Variants in MRPS11 observed in about 807,000 individuals in gnomAD.
The protein encoded by MRPS11 is mitochondrial ribosomal protein S11.
In MRPS11, 27 loss-of-function variants were observed where a neutral mutation model predicts 24.3. The observed-to-expected ratio is 1.11, with a 90% CI of 0.82 to 1.53. The LOEUF is 1.53. Among genes scored for constraint, MRPS11 ranks in the 40% most tolerant of loss-of-function variants. The pLI, the probability that MRPS11 is intolerant of heterozygous loss-of-function variation, is 0.00. For synonymous variants in MRPS11, 104 were observed against 98.7 expected (o/e 1.05, Z -0.32); for missense variants, 277 against 256.5 (o/e 1.08, Z -0.55).
Position 88,475,686 on chromosome 15 carries a change from T to C in MRPS11, c.411+447T>C, listed in dbSNP as rs1474779737. 6.6e-6 allele frequency among the ~76,000 whole-genome samples: 1 copy of C among 152,136 alleles called. No individual in the cohort carries two copies. The highest frequency in any genetic ancestry group is 6.5e-5 in the Admixed American group (1 of 15,282). ...CCCTGTCTCCAAAATAAATTAAAAA[T>C]AGGCCAGGCGCGATGGCTCACAGTT... is the stretch of plus-strand genomic sequence containing the variant. On this transcript the variant is annotated intron_variant, in intron 4 of 5. Coordinates refer to ENST00000325844, the MANE Select transcript of MRPS11 (RefSeq NM_022839.5). The surrounding 1 kb of genome is among the most constrained non-coding windows in gnomAD (Gnocchi z 4.1).
rs1451291233 is a variant in MRPS11 at position 88,480,316 on chromosome 15, G to A, written c.*2337G>A. The A allele has an allele frequency of 6.6e-6, 1 of 152,250 alleles. No homozygotes were observed. The allele number at this position is 152,250 out of a possible 1,614,324, so 9.4% of individuals were successfully genotyped here. ...TGCAGCCTCAAACTCCTGGGCTCAA[G>A]TGATCCTCCAGCTTCAGCCTCCTGT... is the stretch of plus-strand genomic sequence containing the variant. On this transcript the variant is annotated 3_prime_UTR_variant, in exon 6 of 6. Transcript: ENST00000325844. The surrounding 1 kb of genome is among the most constrained non-coding windows in gnomAD (Gnocchi z 5.1).
In MRPS11 at chr15:88,478,248, A is replaced by G. The variant is rs2055864298; in HGVS notation, c.*269A>G. ...CAAACTCTGCTCTGAGAAAATAAAT[A>G]TCTGTACCACCTGTCATAATTTTGA... On this transcript the variant is annotated 3_prime_UTR_variant, in exon 6 of 6. Coordinates refer to ENST00000325844, the MANE Select transcript of MRPS11 (RefSeq NM_022839.5). This position sits in a 1 kb window ranked among gnomAD's most constrained non-coding sequence, Gnocchi z 4.7. The G allele has an allele frequency of 2.1e-6, 1 of 468,832 alleles. No individual in the cohort carries two copies. The highest frequency in any genetic ancestry group is 1.9e-5 in the African/African-American group (1 of 51,646). 29.0% of individuals were successfully genotyped at this position (468,832 alleles called of 1,614,324 possible).
Position 88,469,523 on chromosome 15 carries a change from G to T in MRPS11, c.182+1499G>T, listed in dbSNP as rs1236491534. ...GGGGAAGTGGGGGTCAAGCAGGCCT[G>T]CATAGCCACATTCTGTAGGACTTTG... On this transcript the variant is annotated intron_variant, in intron 2 of 5. Transcript: ENST00000325844. The surrounding 1 kb of genome is among the most constrained non-coding windows in gnomAD (Gnocchi z 4.4). Among the ~76,000 whole-genome samples, 1 of 152,192 alleles carries T rather than the reference G, an allele frequency of 6.6e-6. No homozygotes were observed. Among genetic ancestry groups the T allele is most frequent in the African/African-American group, 2.4e-5 (1 of 41,440 alleles).
intron 1 of MRPS11, 50 bp downstream of exon 1, chr15:88,467,832 TCCTACTCGTGTC>T (rs2055578302): frequency 1.2e-6 from 2 of 1,613,212 alleles, no homozygotes; most frequent in Non-Finnish European, 8.5e-7. Context: ...AGGACTATGC[TCCTACTCGTGTC>T]CCTTGAGCCA....
At position 88,475,143 on chromosome 15, in the gene MRPS11, G is replaced by A. The variant is rs184213973; in HGVS notation, c.315G>A (p.Glu105=). ...TCCAGGTAGTCTCTGCTAGTAATGA[G>A]CCCCTTGCCTTTGCTTCCTGTGGCA... is the stretch of plus-strand genomic sequence containing the variant. The part of the protein sequence containing the change: ...TQIQVVSASN[E]PLAFASCGTE... The change falls in exon 4 of 6, where the codon GAG becomes GAA. Residue 105 remains glutamate, a synonymous_variant. Transcript: ENST00000325844. This position sits in a 1 kb window ranked among gnomAD's most constrained non-coding sequence, Gnocchi z 4.1. 1 of 1,614,196 alleles carries A rather than the reference G, an allele frequency of 6.2e-7. No individual in the cohort carries two copies. The highest frequency in any genetic ancestry group is 2.2e-5 in the East Asian group (1 of 44,886).
Position 88,475,031 on chromosome 15 carries a change from C to T in MRPS11, c.282-79C>T. 1.3e-6 allele frequency: 2 copies of T among 1,535,340 alleles called. No homozygotes were observed. Among genetic ancestry groups the T allele is most frequent in the Admixed American group, 1.9e-5 (1 of 51,936 alleles). On this transcript the variant is annotated intron_variant, in intron 3 of 5. Coordinates refer to ENST00000325844, the MANE Select transcript of MRPS11 (RefSeq NM_022839.5). The surrounding 1 kb of genome is among the most constrained non-coding windows in gnomAD (Gnocchi z 4.1). The stretch of plus-strand genomic sequence containing the variant: ...AATTCCTTTTTCTTTCTCACCCAGG[C>T]TTCTAGGGGCATAGATTAGCTCTCT...
At position 88,478,231 on chromosome 15, in the gene MRPS11, G is replaced by A; in HGVS notation, c.*252G>A. On this transcript the variant is annotated 3_prime_UTR_variant, in exon 6 of 6. Transcript: ENST00000325844. The surrounding 1 kb of genome is among the most constrained non-coding windows in gnomAD (Gnocchi z 4.7). ...CAGCCGTGGCCTAGGCCCAAACTCT[G>A]CTCTGAGAAAATAAATATCTGTACC... The A allele has an allele frequency of 2.0e-6, 1 of 512,774 alleles. No individual in the cohort carries two copies. Among genetic ancestry groups the A allele is most frequent in the Non-Finnish European group, 3.5e-6 (1 of 287,644 alleles). 31.8% of individuals were successfully genotyped at this position (512,774 alleles called of 1,614,324 possible). A position where few individuals can be genotyped will look rare whatever the true frequency, so the allele number is the denominator to read the frequency against.
At position 88,475,157 on chromosome 15, in the gene MRPS11, C is replaced by T; in HGVS notation, c.329C>T (p.Ala110Val). 6.2e-7 allele frequency: 1 copy of T among 1,614,248 alleles called. No individual in the cohort carries two copies. The highest frequency in any genetic ancestry group is 8.5e-7 in the Non-Finnish European group (1 of 1,180,056). The change falls in exon 4 of 6, where the codon GCT (alanine) becomes GTT (valine). Residue 110 changes from alanine (A) to valine (V), a missense_variant. Coordinates refer to ENST00000325844, the MANE Select transcript of MRPS11 (RefSeq NM_022839.5). The surrounding 1 kb of genome is among the most constrained non-coding windows in gnomAD (Gnocchi z 4.1). ...GCTAGTAATGAGCCCCTTGCCTTTG[C>T]TTCCTGTGGCACAGAGGGATTTCGG... ...VSASNEPLAF[A>V]SCGTEGFRNA...
rs1435606132 is a variant in MRPS11 at position 88,478,385 on chromosome 15, A to G, written c.*406A>G. The G allele has an allele frequency of 5.8e-6, 1 of 173,486 alleles. No homozygotes were observed. Among genetic ancestry groups the G allele is most frequent in the East Asian group, 1.7e-4 (1 of 5,894 alleles). 10.7% of individuals were successfully genotyped at this position (173,486 alleles called of 1,614,324 possible). On this transcript the variant is annotated 3_prime_UTR_variant, in exon 6 of 6. Transcript: ENST00000325844. This position sits in a 1 kb window ranked among gnomAD's most constrained non-coding sequence, Gnocchi z 4.7. ...ATATAAATGTGAGTTGCTATTTACC[A>G]GACACTTCTGGTTTCAGATATTTCT...
rs1427846371 is a variant in MRPS11, at chr15:88,477,786, C to G, written c.478-86C>G. The stretch of plus-strand genomic sequence containing the variant: ...CCCTCCGTTCCCTTCTCTACGCCAC[C>G]CTGTCCCTCTCCGAACCCTGCCTGG... On this transcript the variant is annotated intron_variant, in intron 5 of 5. Transcript: ENST00000325844. The surrounding 1 kb of genome is among the most constrained non-coding windows in gnomAD (Gnocchi z 5.7). 6.0e-6 allele frequency: 7 copies of G among 1,174,578 alleles called. No individual in the cohort carries two copies. The African/African-American group carries it at 6.1e-5, about 10-fold the overall frequency. 72.8% of individuals were successfully genotyped at this position (1,174,578 alleles called of 1,614,324 possible).
At chr15:88,468,617 C>A in intron 2 of MRPS11, 3 of 620,570 alleles carry the variant, frequency 4.8e-6, no homozygotes, top group Non-Finnish European at 6.0e-6. Flanking sequence ...ACAAGTAGTT[C>A]ACAGTCTTTG....
rs542901518 is a variant in MRPS11 at position 88,477,667 on chromosome 15, A to G, written c.478-205A>G. 6.6e-6 allele frequency among the ~76,000 whole-genome samples: 1 copy of G among 152,308 alleles called. No individual in the cohort carries two copies. Among genetic ancestry groups the G allele is most frequent in the Non-Finnish European group, 1.5e-5 (1 of 68,022 alleles). On this transcript the variant is annotated intron_variant, in intron 5 of 5. Coordinates refer to ENST00000325844, the MANE Select transcript of MRPS11 (RefSeq NM_022839.5). This position sits in a 1 kb window ranked among gnomAD's most constrained non-coding sequence, Gnocchi z 5.7. ...GGTGGGTACAGTTTGAGAGGGGAACAGTGTGAAAACCTGGTTAAAGGGTTT... is the reference window on the plus strand; with the variant it reads ...GGTGGGTACAGTTTGAGAGGGGAACGGTGTGAAAACCTGGTTAAAGGGTTT...
At chr15:88,471,117 T>C (rs1227213081) in intron 2 of MRPS11, among the ~76,000 whole-genome samples, 1 of 152,134 alleles carries the variant, frequency 6.6e-6, no homozygotes, top group Non-Finnish European at 1.5e-5. Context: ...TATTCCCCTG[T>C]GGAGGTCATC....
chr15:88,476,319 A>G (rs949369721), intron 4 of MRPS11, among the ~76,000 whole-genome samples: 4 of 152,208 alleles, frequency 2.6e-5, no homozygotes, highest in Non-Finnish European at 5.9e-5. Flanking sequence ...AATTTCTACT[A>G]TAGTACAGGC....
At position 88,469,392 on chromosome 15, in the gene MRPS11, C is replaced by A. The variant is rs191982279; in HGVS notation, c.182+1368C>A. Among the ~76,000 whole-genome samples, 23 of 152,288 alleles carry A rather than the reference C, an allele frequency of 1.5e-4. No individual in the cohort carries two copies. In the East Asian group the frequency reaches 4.4e-3, roughly 29 times the overall value. Reference sequence around the variant, plus strand: ...CTGTTCAGAGTGTTGGGGATATATCCCTGACCAAACAGACAAAAAGCCCTG... The same window carrying A: ...CTGTTCAGAGTGTTGGGGATATATCACTGACCAAACAGACAAAAAGCCCTG... On this transcript the variant is annotated intron_variant, in intron 2 of 5. Coordinates refer to ENST00000325844, the MANE Select transcript of MRPS11 (RefSeq NM_022839.5). The surrounding 1 kb of genome is among the most constrained non-coding windows in gnomAD (Gnocchi z 4.4).
chr15:88,468,109 T>G, intron 2 of MRPS11, 85 bp downstream of exon 2: 2 of 1,510,974 alleles, frequency 1.3e-6, no homozygotes, highest in Non-Finnish European at 1.8e-6. Context: ...CCAGTGAATT[T>G]TCAGCTATGT....
rs368182203 is a variant in MRPS11, at chr15:88,472,470, CGGT to C, written c.183-151_183-149del. The C allele has an allele frequency of 5.6e-3, 3,359 of 601,358 alleles. 32 individuals are homozygous for C. Among genetic ancestry groups the C allele is most frequent in the South Asian group, 9.1e-3 (464 of 50,866 alleles). 37.3% of individuals were successfully genotyped at this position (601,358 alleles called of 1,614,324 possible). ...ATCATAAGCACAGCAGTCACACATG[CGGT>C]GGTGGCACCAGAAGGACTGAAAAGG... On this transcript the variant is annotated intron_variant, in intron 2 of 5. Transcript: ENST00000325844.
chr15:88,474,606 AAG>A (rs2055783574), intron 3 of MRPS11, among the ~76,000 whole-genome samples: 1 of 152,052 alleles, frequency 6.6e-6, no homozygotes. Context: ...ATATTTTTTT[AAG>A]AGTCCTTCTT....
chr15:88,474,935 T>C (rs947289502), intron 3 of MRPS11, 175 bp from the exon 4 acceptor site: 5 of 691,324 alleles, frequency 7.2e-6, no homozygotes, highest in Non-Finnish European at 1.2e-5. Context: ...GGGAGAATTC[T>C]GACCTTTCCT....
Sources: allele counts gnomAD v4.1 joint callset (sites outside exome capture counted in the v4.1 genomes callset), GRCh38; gene constraint gnomAD v4.1.1; non-coding constraint Gnocchi (gnomAD v3.1); transcripts MANE v1.5; gene names NCBI Gene and HGNC (gene_info 2026-07-23, HGNC 2026-07-21).